Variants in GPI observed in about 807,000 individuals in gnomAD.
GPI encodes the protein glucose-6-phosphate isomerase, also known as D-hexose-6-phosphate anomerase.
In GPI, 56 loss-of-function variants were observed where a neutral mutation model predicts 75.8. The ratio of observed to expected loss-of-function variants is 0.74; its 90% confidence interval spans 0.60 to 0.92. The LOEUF is 0.92. Ranked by LOEUF, GPI falls within the 40% of genes least tolerant of loss-of-function variation. The pLI, the probability that GPI is intolerant of heterozygous loss-of-function variation, is 0.00. For missense variants in GPI, 638 were observed against 741.0 expected (o/e 0.86, Z 1.61); for synonymous variants, 288 against 285.4 (o/e 1.01, Z -0.09).
intron 4 of GPI, among the ~76,000 whole-genome samples, chr19:34,375,148 T>G (rs1206039396): frequency 6.6e-6 from 1 of 151,256 alleles, no homozygotes; most frequent in Non-Finnish European, 1.5e-5. Context: ...AATACACTTT[T>G]TTTTTTTTTT....
rs1265225495 is a variant in GPI, at chr19:34,400,081, C to T, written c.*45C>T. 6.3e-7 allele frequency: 1 copy of T among 1,591,096 alleles called. No homozygotes were observed. Among genetic ancestry groups the T allele is most frequent in the Non-Finnish European group, 8.5e-7 (1 of 1,170,156 alleles). ...CTCCTCTGTGACTCCCCTTTCTCTT[C>T]TCGTCCCTCCTCCCCGGAGCCGGCA... On this transcript the variant is annotated 3_prime_UTR_variant, in exon 18 of 18. Transcript: ENST00000356487.
chr19:34,387,427 G>A (rs1043095473), intron 9 of GPI, among the ~76,000 whole-genome samples: 1 of 152,082 alleles, frequency 6.6e-6, no homozygotes, highest in Admixed American at 6.5e-5. Context: ...ACGGATCCAG[G>A]CTCAATGGTG....
At chr19:34,376,582 G>C (rs114398839) in intron 4 of GPI, among the ~76,000 whole-genome samples, 1 of 150,142 alleles carries the variant, frequency 6.7e-6, no homozygotes, top group African/African-American at 2.5e-5. Context: ...AAAAAAAAAG[G>C]CTAAAGCAGA....
In GPI at chr19:34,366,772, T is replaced by G; in HGVS notation, c.214-11T>G. The G allele has an allele frequency of 2.5e-6, 4 of 1,608,206 alleles. No homozygotes were observed. Among genetic ancestry groups the G allele is most frequent in the Non-Finnish European group, 3.4e-6 (4 of 1,175,850 alleles). ...TGGGTGGGACCAGGCCTCAGTATCG[T>G]CTCTTCCTAGGCCAAGTCCAGGGGC... is the stretch of plus-strand genomic sequence containing the variant. On this transcript the variant is annotated splice_polypyrimidine_tract_variant and intron_variant, in intron 2 of 17. Coordinates refer to ENST00000356487, the MANE Select transcript of GPI (RefSeq NM_000175.5).
intron 9 of GPI, chr19:34,392,061 G>A (rs78809964): frequency 0.075 from 132 of 1,754 alleles, 1 homozygote; most frequent in East Asian, 0.089. Context: ...TGGTACAGGT[G>A]TGAGGATCTG....
chr19:34,400,131 G>A lies in GPI; in HGVS notation c.*95G>A. On this transcript the variant is annotated 3_prime_UTR_variant, in exon 18 of 18. Coordinates refer to ENST00000356487, the MANE Select transcript of GPI (RefSeq NM_000175.5). The stretch of plus-strand genomic sequence containing the variant: ...ACTGCATGTTCCTGGACACCACCCA[G>A]AGCACCCTCTGGTTGTGGGCTTGGA... 7.4e-7 allele frequency: 1 copy of A among 1,357,062 alleles called. No individual in the cohort carries two copies. The allele number at this position is 1,357,062 out of a possible 1,614,324, so 84.1% of individuals were successfully genotyped here. A position where few individuals can be genotyped will look rare whatever the true frequency, so the allele number is the denominator to read the frequency against.
At position 34,399,214 on chromosome 19, in the gene GPI, T is replaced by A; in HGVS notation, c.1277T>A (p.Leu426Gln). The change falls in exon 15 of 18, where the codon CTG (leucine) becomes CAG (glutamine). Residue 426 changes from leucine (L) to glutamine (Q), a missense_variant. Coordinates refer to ENST00000356487, the MANE Select transcript of GPI (RefSeq NM_000175.5). ...IRKGLHHKIL[L>Q]ANFLAQTEAL... ...TGATGTCTCGCTCATCAGATCCTCC[T>A]GGCCAACTTCTTGGCCCAGACAGAG... 6.2e-7 allele frequency: 1 copy of A among 1,613,124 alleles called. No individual in the cohort carries two copies. Among genetic ancestry groups the A allele is most frequent in the Non-Finnish European group, 8.5e-7 (1 of 1,179,846 alleles).
Position 34,400,701 on chromosome 19 carries a change from T to A in GPI, c.*665T>A, listed in dbSNP as rs1599862572. 5.0e-6 allele frequency: 2 copies of A among 401,682 alleles called. No homozygotes were observed. Among genetic ancestry groups the A allele is most frequent in the African/African-American group, 4.1e-5 (2 of 48,760 alleles). The allele number at this position is 401,682 out of a possible 1,614,324, so 24.9% of individuals were successfully genotyped here. A position where few individuals can be genotyped will look rare whatever the true frequency, so the allele number is the denominator to read the frequency against. The stretch of plus-strand genomic sequence containing the variant: ...TCTCCTGGCAAGACGCTCAGGTAGT[T>A]CTTTTGCTTTAAAAGGCAGATATTG... On this transcript the variant is annotated 3_prime_UTR_variant, in exon 18 of 18. Transcript: ENST00000356487.
At chr19:34,372,500 G>C (rs745434926) in intron 4 of GPI, among the ~76,000 whole-genome samples, 1 of 152,164 alleles carries the variant, frequency 6.6e-6, no homozygotes, top group Non-Finnish European at 1.5e-5. Flanking sequence ...AAATTAGCCA[G>C]CTGTGGTGGT....
upstream of GPI, among the ~76,000 whole-genome samples, chr19:34,363,736 C>T (rs371781010): frequency 4.6e-5 from 7 of 152,312 alleles, no homozygotes; most frequent in African/African-American, 1.7e-4. Context: ...AGGAGAATCG[C>T]TTGAACCAGG....
At position 34,400,349 on chromosome 19, in the gene GPI, A is replaced by AT. The variant is rs1006348170; in HGVS notation, c.*323dup. On this transcript the variant is annotated 3_prime_UTR_variant, in exon 18 of 18. Coordinates refer to ENST00000356487, the MANE Select transcript of GPI (RefSeq NM_000175.5). ...GAGGAGGTTGTAGGCTCAGCCTCTG[A>AT]TTTTTTTTTTCCTGTGATGGTGCTT... The AT allele has an allele frequency of 5.9e-3, 3,063 of 519,864 alleles. 1 individual carries two copies. The highest frequency in any genetic ancestry group is 6.8e-3 in the East Asian group (211 of 30,806). 32.2% of individuals were successfully genotyped at this position (519,864 alleles called of 1,614,324 possible). A position where few individuals can be genotyped will look rare whatever the true frequency, so the allele number is the denominator to read the frequency against.
chr19:34,362,752 C>A (rs193192711), upstream of GPI, among the ~76,000 whole-genome samples: 122 of 152,324 alleles, frequency 8.0e-4, no homozygotes, highest in Admixed American at 4.3e-3. Context: ...TTATTTTCCT[C>A]AAGACCAGGG....
chr19:34,378,785 G>T lies in GPI; in HGVS notation c.634-149G>T, dbSNP rs550470881. On this transcript the variant is annotated intron_variant, in intron 6 of 17. Coordinates refer to ENST00000356487, the MANE Select transcript of GPI (RefSeq NM_000175.5). Reference sequence around the variant, plus strand: ...CTGGTTTTAAAGAGCTGGAATCTCAGGAGGTTATGTGGCGTCACTGTCACT... The same window carrying T: ...CTGGTTTTAAAGAGCTGGAATCTCATGAGGTTATGTGGCGTCACTGTCACT... The T allele has an allele frequency of 4.2e-6, 3 of 706,184 alleles. No homozygotes were observed. In the East Asian group the frequency reaches 8.0e-5, roughly 19 times the overall value. The allele number at this position is 706,184 out of a possible 1,614,324, so 43.7% of individuals were successfully genotyped here.
chr19:34,390,821 T>G (rs1185988207), intron 9 of GPI, among the ~76,000 whole-genome samples: 2 of 148,796 alleles, frequency 1.3e-5, no homozygotes, highest in African/African-American at 5.0e-5. Flanking sequence ...TATGAGAATC[T>G]GGGTCTTCCA....
chr19:34,375,740 C>T (rs1048973995), intron 4 of GPI, among the ~76,000 whole-genome samples: 1 of 152,176 alleles, frequency 6.6e-6, no homozygotes, highest in African/African-American at 2.4e-5. Flanking sequence ...TTCCCCAAAG[C>T]GAGTCATCCA....
upstream of GPI, chr19:34,365,130 G>A (rs1228794729): frequency 1.0e-5 from 13 of 1,263,664 alleles, no homozygotes; most frequent in Non-Finnish European, 1.3e-5. Flanking sequence ...GGGGCTCAGG[G>A]GTGGGGCCGG....
chr19:34,380,307 A>C (rs1456376459), intron 8 of GPI, among the ~76,000 whole-genome samples: 4 of 148,960 alleles, frequency 2.7e-5, no homozygotes, highest in Non-Finnish European at 5.9e-5. Context: ...ATTTTTTGAG[A>C]CAAGGTCACT....
Position 34,381,416 on chromosome 19 carries a change from G to A in GPI, c.751-50G>A, listed in dbSNP as rs747754709. The A allele has an allele frequency of 1.8e-5, 23 of 1,264,602 alleles. No individual in the cohort carries two copies. The South Asian group carries it at 2.5e-4, about 14-fold the overall frequency. The allele number at this position is 1,264,602 out of a possible 1,614,324, so 78.3% of individuals were successfully genotyped here. On this transcript the variant is annotated intron_variant, in intron 8 of 17. Transcript: ENST00000356487. ...CTCCCGGAGCTCCTGTTCCCATCCCGCTAGCAAATGCTTCTTTGCATTTCT... is the reference window on the plus strand; with the variant it reads ...CTCCCGGAGCTCCTGTTCCCATCCCACTAGCAAATGCTTCTTTGCATTTCT...
chr19:34,378,584 G>T (rs1015293790), intron 6 of GPI, among the ~76,000 whole-genome samples: 1 of 152,060 alleles, frequency 6.6e-6, no homozygotes, highest in African/African-American at 2.4e-5. Flanking sequence ...TTTTATTTAT[G>T]TTCTATTTAC....
Sources: gnomAD v4.1 joint callset for allele counts (sites outside exome capture counted in the v4.1 genomes callset) on GRCh38, gnomAD v4.1.1 for gene constraint, MANE v1.5 for transcripts, NCBI Gene and HGNC (gene_info 2026-07-23, HGNC 2026-07-21) for gene names.